The following LYPD6B variants were observed in gnomAD, a reference collection of about 807,000 sequenced individuals.
LYPD6B encodes the protein ly6/PLAUR domain-containing protein 6B.
Under a neutral mutation model 22.8 loss-of-function variants are expected in LYPD6B, and 17 were observed. That is an observed-to-expected ratio of 0.75 (90% CI 0.51 to 1.12). The LOEUF is 1.12. Among genes scored for constraint, LYPD6B ranks in the 50% most tolerant of loss-of-function variants. The pLI is 0.00. For missense variants in LYPD6B, 221 were observed against 258.3 expected, an observed-to-expected ratio of 0.86 and a Z score of 0.99; for synonymous variants, 106 against 91.6, an observed-to-expected ratio of 1.16 and a Z score of -0.90.
chr2:149,182,635 A>C (rs577560519), intron 3 of LYPD6B, among the ~76,000 whole-genome samples: 1 of 152,328 alleles, frequency 6.6e-6, no homozygotes, highest in East Asian at 1.9e-4. Context: ...TCCAGCTGTC[A>C]GTCCCTTGAA....
intron 3 of LYPD6B, among the ~76,000 whole-genome samples, chr2:149,199,221 T>A (rs17528452): frequency 6.6e-6 from 1 of 152,176 alleles, no homozygotes; most frequent in South Asian, 2.1e-4. Flanking sequence ...AGAAGTTTCC[T>A]GTGTGACTCT....
intron 5 of LYPD6B, among the ~76,000 whole-genome samples, chr2:149,212,737 T>A (rs1693953573): frequency 6.6e-6 from 1 of 152,184 alleles, no homozygotes; most frequent in African/African-American, 2.4e-5. Flanking sequence ...TTTCCTCAGC[T>A]CTAACTGAAA....
chr2:149,063,911 T>G (rs948826846), intron 1 of LYPD6B, among the ~76,000 whole-genome samples: 1 of 152,186 alleles, frequency 6.6e-6, no homozygotes, highest in Non-Finnish European at 1.5e-5. Flanking sequence ...CTGGGACAAT[T>G]CACAGTAAAT....
At chr2:149,175,061 C>CTCTCTCTCTCTCTCTCTG (rs1454802925) in intron 3 of LYPD6B, among the ~76,000 whole-genome samples, 1 of 113,002 alleles carries the variant, frequency 8.8e-6, no homozygotes, top group Non-Finnish European at 1.8e-5. Flanking sequence ...CTCTCTCTCT[C>CTCTCTCTCTCTCTCTCTG]TGTGTGTGTG....
At chr2:149,062,579 G>A (rs544586962) in intron 1 of LYPD6B, among the ~76,000 whole-genome samples, 1 of 152,248 alleles carries the variant, frequency 6.6e-6, no homozygotes, top group African/African-American at 2.4e-5. Context: ...CAAGCCAAAT[G>A]TATACCTGAG....
rs574256031 is a variant in LYPD6B at position 149,091,624 on chromosome 2, CTT to C, written c.-66-39249_-66-39248del. Among the ~76,000 whole-genome samples, 427 of 146,448 alleles carry C rather than the reference CTT, an allele frequency of 2.9e-3. 1 individual carries two copies. Among genetic ancestry groups the C allele is most frequent in the African/African-American group, 9.4e-3 (379 of 40,506 alleles). On this transcript the variant is annotated intron_variant, in intron 1 of 6. Transcript: ENST00000409642. ...GTTTATATTCATCATGATTGGCATT[CTT>C]TTTTTTTTTAAGTAGGTACAAATCT...
At chr2:149,111,288 T>C (rs1001240790) in intron 1 of LYPD6B, among the ~76,000 whole-genome samples, 7 of 152,130 alleles carry the variant, frequency 4.6e-5, no homozygotes, top group African/African-American at 1.7e-4. Flanking sequence ...TTTTAAAGGG[T>C]ATCTTTTTTG....
At chr2:149,151,462 G>A (rs911504850) in intron 2 of LYPD6B, among the ~76,000 whole-genome samples, 1 of 152,162 alleles carries the variant, frequency 6.6e-6, no homozygotes, top group Non-Finnish European at 1.5e-5. Flanking sequence ...TTCCAAATGA[G>A]GAAGCTGTAG....
chr2:149,095,399 C>G (rs958092158), intron 1 of LYPD6B, among the ~76,000 whole-genome samples: 9 of 152,188 alleles, frequency 5.9e-5, no homozygotes, highest in African/African-American at 2.2e-4. Context: ...CAGATAAATA[C>G]AGTTGAAGAC....
At chr2:149,139,160 C>T (rs544334712) in intron 2 of LYPD6B, among the ~76,000 whole-genome samples, 3 of 152,272 alleles carry the variant, frequency 2.0e-5, no homozygotes, top group Admixed American at 6.5e-5. Context: ...AGTTCCAACT[C>T]GGGAAGGAAT....
intron 4 of LYPD6B, 145 bp from the exon 5 acceptor site, chr2:149,208,169 C>A: frequency 1.7e-6 from 1 of 605,836 alleles, no homozygotes; most frequent in South Asian, 2.1e-5. Context: ...ATGAGTAAAT[C>A]TAGCTCTCTA....
At chr2:149,042,394 A>G (rs1412288071) in intron 1 of LYPD6B, among the ~76,000 whole-genome samples, 4 of 152,214 alleles carry the variant, frequency 2.6e-5, no homozygotes, top group East Asian at 1.9e-4. Flanking sequence ...GCCGCTTCTC[A>G]TGATCCTCTA....
At chr2:149,204,579 T>A (rs1195714874) in intron 3 of LYPD6B, 2 of 154,376 alleles carry the variant, frequency 1.3e-5, no homozygotes, top group Non-Finnish European at 2.9e-5. Flanking sequence ...TGTCAGCTTT[T>A]CAGACAACTT....
At chr2:149,040,675 C>T (rs891804817) in intron 1 of LYPD6B, among the ~76,000 whole-genome samples, 2 of 152,106 alleles carry the variant, frequency 1.3e-5, no homozygotes, top group Non-Finnish European at 2.9e-5. Context: ...CGGTAGGGGG[C>T]GCAATTCCCA....
intron 1 of LYPD6B, among the ~76,000 whole-genome samples, chr2:149,050,294 C>T (rs1683492050): frequency 6.6e-6 from 1 of 152,048 alleles, no homozygotes; most frequent in Non-Finnish European, 1.5e-5. Flanking sequence ...AGCTGTATTA[C>T]TAAGAAATGT....
chr2:149,154,079 T>C (rs1173818405), intron 2 of LYPD6B: 3 of 954,508 alleles, frequency 3.1e-6, no homozygotes, highest in Non-Finnish European at 3.7e-6. Flanking sequence ...AGATGATGTC[T>C]TCTCATTTTG....
chr2:149,169,437 G>T (rs1690672413), intron 3 of LYPD6B, among the ~76,000 whole-genome samples: 1 of 152,166 alleles, frequency 6.6e-6, no homozygotes, highest in South Asian at 2.1e-4. Context: ...GTTCTCAATT[G>T]TCAAGTCTTT....
intron 2 of LYPD6B, among the ~76,000 whole-genome samples, chr2:149,153,691 C>T (rs546149767): frequency 6.6e-6 from 1 of 152,148 alleles, no homozygotes; most frequent in East Asian, 1.9e-4. Flanking sequence ...AGGGGAATCA[C>T]TTGAACCCAG....
chr2:149,195,694 G>A (rs1692766290), intron 3 of LYPD6B, among the ~76,000 whole-genome samples: 1 of 152,120 alleles, frequency 6.6e-6, no homozygotes, highest in Non-Finnish European at 1.5e-5. Context: ...CTATTGTATG[G>A]CCTTAATGAT....
Sources: allele counts gnomAD v4.1 joint callset (sites outside exome capture counted in the v4.1 genomes callset), GRCh38; gene constraint gnomAD v4.1.1; transcripts MANE v1.5; gene names NCBI Gene and HGNC (gene_info 2026-07-23, HGNC 2026-07-21).